ATCAY: variants seen among roughly 807,000 people sequenced by gnomAD.
ATCAY encodes caytaxin.
A neutral mutation model predicts 47.7 loss-of-function variants in ATCAY; 22 were observed. The ratio of observed to expected loss-of-function variants is 0.46; its 90% CI spans 0.33 to 0.66. The LOEUF is 0.66. Ranked by LOEUF, ATCAY falls within the 30% of genes least tolerant of loss-of-function variation. The probability of loss-of-function intolerance (pLI) is 0.02; values close to 1 mark genes in which losing one functional copy is unlikely to be tolerated. For synonymous variants in ATCAY, 216 were observed against 207.6 expected, an observed-to-expected ratio of 1.04 and a Z score of -0.35; for missense variants, 452 against 515.0, an observed-to-expected ratio of 0.88 and a Z score of 1.18.
intron 2 of ATCAY, among the ~76,000 whole-genome samples, chr19:3,888,447 T>C (rs935491753): frequency 5.9e-5 from 9 of 151,840 alleles, no homozygotes; most frequent in Non-Finnish European, 1.0e-4. Context: ...CTGGACAACA[T>C]GGTGAAACCC....
At chr19:3,915,533 C>T (rs1465044998) in intron 9 of ATCAY, among the ~76,000 whole-genome samples, 1 of 148,974 alleles carries the variant, frequency 6.7e-6, no homozygotes, top group Admixed American at 6.8e-5. Context: ...GCAGCCATCA[C>T]CACCATCCTC....
At chr19:3,921,439 A>G (rs1245566404) in intron 12 of ATCAY, among the ~76,000 whole-genome samples, 3 of 151,022 alleles carry the variant, frequency 2.0e-5, no homozygotes, top group Non-Finnish European at 4.4e-5. Context: ...CAAAAAAAGA[A>G]AAAAAAAAGG....
intron 9 of ATCAY, 110 bp from the exon 10 acceptor site, chr19:3,917,632 G>GAA: frequency 3.1e-6 from 1 of 326,794 alleles, no homozygotes; most frequent in Admixed American, 5.0e-5. Flanking sequence ...AAGAAGAAAA[G>GAA]AAAGAAAAAA....
chr19:3,908,626 C>T, intron 6 of ATCAY, among the ~76,000 whole-genome samples: 1 of 123,640 alleles, frequency 8.1e-6, no homozygotes, highest in Non-Finnish European at 1.6e-5. Context: ...TCCTCACTGT[C>T]CTCCTCCTCC....
intron 2 of ATCAY, among the ~76,000 whole-genome samples, chr19:3,894,609 C>A (rs1173868102): frequency 4.7e-5 from 6 of 127,554 alleles, no homozygotes; most frequent in African/African-American, 1.8e-4. Flanking sequence ...GGCAACATGG[C>A]GAGACCCTGT....
intron 2 of ATCAY, among the ~76,000 whole-genome samples, chr19:3,889,404 C>A (rs1013735505): frequency 3.9e-5 from 6 of 152,004 alleles, no homozygotes; most frequent in African/African-American, 1.5e-4. Flanking sequence ...CAGAGTGAGA[C>A]TCCGTCTCAA....
chr19:3,911,241 C>T (rs2038920302), intron 8 of ATCAY, among the ~76,000 whole-genome samples: 1 of 152,074 alleles, frequency 6.6e-6, no homozygotes, highest in South Asian at 2.1e-4. Flanking sequence ...TGGTGCACAC[C>T]TGTAGTTTCA....
intron 2 of ATCAY, among the ~76,000 whole-genome samples, chr19:3,894,844 A>C (rs967962460): frequency 2.7e-5 from 4 of 150,732 alleles, no homozygotes; most frequent in Non-Finnish European, 4.4e-5. Flanking sequence ...AGCTACTCAG[A>C]AGACTGAGAC....
intron 3 of ATCAY, among the ~76,000 whole-genome samples, chr19:3,903,776 T>C (rs997720536): frequency 3.3e-5 from 5 of 150,194 alleles, no homozygotes; most frequent in Admixed American, 6.6e-5. Flanking sequence ...CTTCCCACCT[T>C]GGCCTCCCAA....
At chr19:3,908,114 G>A (rs975880309) in intron 5 of ATCAY, among the ~76,000 whole-genome samples, 154 bp from the exon 6 acceptor site, 48 of 152,204 alleles carry the variant, frequency 3.2e-4, no homozygotes, top group African/African-American at 8.4e-4. Flanking sequence ...ACTCCTCAGC[G>A]AAGGCAGAGA....
chr19:3,885,625 G>T (rs1279338731), intron 1 of ATCAY, 102 bp from the exon 2 acceptor site: 6 of 608,426 alleles, frequency 9.9e-6, no homozygotes, highest in African/African-American at 3.8e-5. Context: ...AGGGGGAGGG[G>T]GAGACGGAGG....
rs529417443 is a variant in ATCAY, at chr19:3,902,526, C to T, written c.117C>T (p.Ser39=). 2.8e-5 allele frequency: 44 copies of T among 1,576,188 alleles called. No homozygotes were observed. In the East Asian group the frequency reaches 9.6e-4, roughly 34 times the overall value. ...AGACGGGGGTGGAACTGCTTGGCAG[C>T]CCGGTGGAAGACACATCCTGTAAGT... ...PEETGVELLG[S]PVEDTSSPPN... The change falls in exon 3 of 13, where the codon AGC becomes AGT. Residue 39 remains serine (S), a synonymous_variant. Coordinates refer to ENST00000450849, the MANE Select transcript of ATCAY (RefSeq NM_033064.5).
At chr19:3,913,634 T>C in intron 8 of ATCAY, 124 bp from the exon 9 acceptor site, 1 of 685,948 alleles carries the variant, frequency 1.5e-6, no homozygotes, top group Non-Finnish European at 2.6e-6. Context: ...TGTCGTCGTC[T>C]GCACTGGGGC....
At chr19:3,883,832 A>G (rs949252176) in intron 1 of ATCAY, among the ~76,000 whole-genome samples, 3 of 152,180 alleles carry the variant, frequency 2.0e-5, no homozygotes, top group African/African-American at 7.2e-5. Flanking sequence ...TTTTGTTTAC[A>G]GAAAGGGAAA....
intron 3 of ATCAY, among the ~76,000 whole-genome samples, chr19:3,903,825 G>A (rs189509483): frequency 4.7e-5 from 7 of 148,590 alleles, no homozygotes; most frequent in East Asian, 4.2e-4. Context: ...GCACCCGGCC[G>A]CCTGTCTCTA....
At chr19:3,894,646 A>C (rs1371060448) in intron 2 of ATCAY, among the ~76,000 whole-genome samples, 4 of 144,964 alleles carry the variant, frequency 2.8e-5, no homozygotes, top group African/African-American at 7.8e-5. Context: ...AAAAAAAAAA[A>C]CTGTAAAAAC....
chr19:3,881,836 G>T (rs1476974676), intron 1 of ATCAY, among the ~76,000 whole-genome samples: 1 of 151,038 alleles, frequency 6.6e-6, no homozygotes, highest in Non-Finnish European at 1.5e-5. Context: ...ACTTACCCTC[G>T]CGGGAAGGGC....
chr19:3,885,243 AC>A (rs2038639326), intron 1 of ATCAY, among the ~76,000 whole-genome samples: 1 of 151,260 alleles, frequency 6.6e-6, no homozygotes, highest in Non-Finnish European at 1.5e-5. Context: ...ACACAGTGAA[AC>A]CCCGTCTCTA....
Position 3,924,578 on chromosome 19 carries a change from C to T in ATCAY, c.1107-5C>T. 1 of 1,613,730 alleles carries T rather than the reference C, an allele frequency of 6.2e-7. No homozygotes were observed. Among genetic ancestry groups the T allele is most frequent in the Non-Finnish European group, 8.5e-7 (1 of 1,179,794 alleles). On this transcript the variant is annotated splice_region_variant and splice_polypyrimidine_tract_variant and intron_variant, in intron 12 of 12. Coordinates refer to ENST00000450849, the MANE Select transcript of ATCAY (RefSeq NM_033064.5). ...ATAACTTGGCCTGTGTCTTTCCCTC[C>T]CTAGCATGTCCTGAGGCGACGTGAG...
Sources: gnomAD v4.1 joint callset for allele counts (sites outside exome capture counted in the v4.1 genomes callset) on GRCh38, gnomAD v4.1.1 for gene constraint, MANE v1.5 for transcripts, NCBI Gene and HGNC (gene_info 2026-07-23, HGNC 2026-07-21) for gene names.